The following PANX1 variants were observed in gnomAD, a reference collection of about 807,000 sequenced individuals.
PANX1 encodes the protein pannexin-1.
Under a neutral mutation model 38.7 loss-of-function variants are expected in PANX1, and 30 were observed. The ratio of observed to expected loss-of-function variants is 0.78; its 90% confidence interval spans 0.58 to 1.05. PANX1 has a LOEUF of 1.05. Among genes scored for constraint, PANX1 ranks in the 50% least tolerant of loss-of-function variants. PANX1 has a pLI of 0.00. For missense variants in PANX1, 551 were observed against 517.2 expected (o/e 1.07, Z -0.63); for synonymous variants, 230 against 212.2 (o/e 1.08, Z -0.73).
At chr11:94,174,336 T>C (rs187888609) in intron 2 of PANX1, among the ~76,000 whole-genome samples, 4 of 151,370 alleles carry the variant, frequency 2.6e-5, no homozygotes, top group Admixed American at 2.6e-4. Flanking sequence ...ACCTTGGTGC[T>C]CTGGATGAGT....
chr11:94,138,096 A>C (rs1452310066), intron 1 of PANX1, among the ~76,000 whole-genome samples: 4 of 152,050 alleles, frequency 2.6e-5, no homozygotes, highest in African/African-American at 9.7e-5. Flanking sequence ...ACAAGGTCAA[A>C]GTATACATAG....
At chr11:94,136,503 G>A (rs564991619) in intron 1 of PANX1, among the ~76,000 whole-genome samples, 3 of 152,292 alleles carry the variant, frequency 2.0e-5, no homozygotes, top group African/African-American at 7.2e-5. Flanking sequence ...CATATCGGCC[G>A]GGCGCGGTGA....
chr11:94,130,239 TTAAA>T (rs59599357), intron 1 of PANX1, among the ~76,000 whole-genome samples: 2,177 of 152,094 alleles, frequency 0.014, 41 homozygotes, highest in African/African-American at 0.05. Context: ...CGCAGGAGGG[TTAAA>T]TACAGTTCTG....
At chr11:94,165,058 A>G (rs1194284564) in intron 2 of PANX1, among the ~76,000 whole-genome samples, 2 of 151,904 alleles carry the variant, frequency 1.3e-5, no homozygotes, top group African/African-American at 2.4e-5. Flanking sequence ...TTCAGCCTAT[A>G]TGTGTCTTAT....
rs560915905 is a variant in PANX1, at chr11:94,135,095, C to T, written c.181+5602C>T. ...CACATATCCCCTGGGAAGGAGAGCC[C>T]GTGTCTCCTGCCAGGATGTTTCTGG... On this transcript the variant is annotated intron_variant, in intron 1 of 4. Transcript: ENST00000227638. Among the ~76,000 whole-genome samples, 69 of 152,230 alleles carry T rather than the reference C, an allele frequency of 4.5e-4. No individual in the cohort carries two copies. The South Asian group carries it at 0.014, about 32-fold the overall frequency.
chr11:94,180,746 CCTG>C, intron 4 of PANX1, 41 bp from the exon 5 acceptor site: 2 of 1,067,792 alleles, frequency 1.9e-6, no homozygotes, highest in Non-Finnish European at 2.9e-6. Context: ...ATTGGTAATT[CCTG>C]CTATGTTTCT....
intron 1 of PANX1, among the ~76,000 whole-genome samples, chr11:94,131,697 C>T (rs1214149722): frequency 6.6e-6 from 1 of 152,016 alleles, no homozygotes. Flanking sequence ...CCAGGGAAGA[C>T]CTATTAGATT....
At chr11:94,167,497 T>C (rs1438171174) in intron 2 of PANX1, among the ~76,000 whole-genome samples, 3 of 152,174 alleles carry the variant, frequency 2.0e-5, no homozygotes, top group Non-Finnish European at 4.4e-5. Flanking sequence ...ACATATGATA[T>C]TCAGCACTCA....
chr11:94,155,580 A>G (rs1946940625), intron 2 of PANX1, among the ~76,000 whole-genome samples: 2 of 152,060 alleles, frequency 1.3e-5, no homozygotes, highest in South Asian at 4.2e-4. Flanking sequence ...CTCCAACCTA[A>G]TATTTATTAA....
chr11:94,131,707 T>G (rs949198197), intron 1 of PANX1, among the ~76,000 whole-genome samples: 1 of 152,126 alleles, frequency 6.6e-6, no homozygotes, highest in Non-Finnish European at 1.5e-5. Context: ...CCTATTAGAT[T>G]AGGTATACAT....
Position 94,180,243 on chromosome 11 carries a change from C to A in PANX1, c.1187C>A (p.Thr396Lys), listed in dbSNP as rs115773754. The change falls in exon 4 of 5, where the codon ACG becomes AAG. Residue 396 changes from threonine (T) to lysine (K), a missense_variant. By Grantham distance (78) the Thr-to-Lys change is moderately conservative (BLOSUM62 -1). Transcript: ENST00000227638. ...ATGAGAGAGGAGCAGGGGAACCAGA[C>A]GGCAGAGCTCCAAGGTAGGGTTTGC... is the stretch of plus-strand genomic sequence containing the variant. Reference protein sequence around the residue: ...AEMREEQGNQTAELQGMNIDS... With the variant: ...AEMREEQGNQKAELQGMNIDS... 1.3e-5 allele frequency: 21 copies of A among 1,602,742 alleles called. No homozygotes were observed. Among genetic ancestry groups the A allele is most frequent in the Non-Finnish European group, 1.8e-5 (21 of 1,172,018 alleles).
intron 2 of PANX1, among the ~76,000 whole-genome samples, chr11:94,161,000 A>C (rs1947024536): frequency 1.3e-5 from 2 of 152,182 alleles, no homozygotes; most frequent in Admixed American, 1.3e-4. Context: ...GTTTGGCTGG[A>C]TATGAAATTC....
chr11:94,150,597 A>AGGCAGC (rs1254011108), intron 1 of PANX1, among the ~76,000 whole-genome samples: 1 of 151,972 alleles, frequency 6.6e-6, no homozygotes, highest in Non-Finnish European at 1.5e-5. Flanking sequence ...AGGTGCCTTC[A>AGGCAGC]GGCAGCCTGG....
chr11:94,161,593 T>C (rs908141849), intron 2 of PANX1, among the ~76,000 whole-genome samples: 11 of 152,248 alleles, frequency 7.2e-5, no homozygotes, highest in African/African-American at 2.7e-4. Context: ...AGGACTTCTC[T>C]GCATTGGTTA....
intron 3 of PANX1, among the ~76,000 whole-genome samples, chr11:94,179,181 T>A (rs1471006975): frequency 6.6e-6 from 1 of 152,224 alleles, no homozygotes; most frequent in Non-Finnish European, 1.5e-5. Flanking sequence ...CCTCCTCCAC[T>A]TTTATTCTGG....
At chr11:94,139,961 G>T (rs897976522) in intron 1 of PANX1, among the ~76,000 whole-genome samples, 19 of 152,206 alleles carry the variant, frequency 1.2e-4, no homozygotes, top group Non-Finnish European at 2.8e-4. Flanking sequence ...CATAGGAAGG[G>T]GTTGTAGGAA....
At chr11:94,134,641 CT>C (rs1192993757) in intron 1 of PANX1, among the ~76,000 whole-genome samples, 8 of 143,778 alleles carry the variant, frequency 5.6e-5, no homozygotes, top group African/African-American at 1.8e-4. Flanking sequence ...TCTCTCCCCC[CT>C]CCCTCTTCCT....
At position 94,129,247 on chromosome 11, in the gene PANX1, C is replaced by T. The variant is rs776081336; in HGVS notation, c.-66C>T. 4.2e-6 allele frequency: 6 copies of T among 1,421,570 alleles called. No individual in the cohort carries two copies. Among genetic ancestry groups the T allele is most frequent in the South Asian group, 2.6e-5 (2 of 76,846 alleles). The allele number at this position is 1,421,570 out of a possible 1,614,324, so 88.1% of individuals were successfully genotyped here. A position where few individuals can be genotyped will look rare whatever the true frequency, so the allele number is the denominator to read the frequency against. On this transcript the variant is annotated 5_prime_UTR_variant, in exon 1 of 5. Transcript: ENST00000227638. ...CGCCCGGCCGGTGACTGGGTGAAGG[C>T]GCCGCGCAGCTTTCCCGACGCCGGC...
chr11:94,157,684 G>C (rs1462879372), intron 2 of PANX1, among the ~76,000 whole-genome samples: 1 of 152,114 alleles, frequency 6.6e-6, no homozygotes, highest in South Asian at 2.1e-4. Context: ...CCATTCTGTA[G>C]GTTGCCTGTT....
Sources: allele counts gnomAD v4.1 joint callset (sites outside exome capture counted in the v4.1 genomes callset), GRCh38; gene constraint gnomAD v4.1.1; transcripts MANE v1.5; gene names NCBI Gene and HGNC (gene_info 2026-07-23, HGNC 2026-07-21).